USP9X: variants seen among roughly 807,000 people sequenced by gnomAD.
The protein encoded by USP9X is ubiquitin carboxyl-terminal hydrolase 9X.
A neutral mutation model predicts 190.3 loss-of-function variants in USP9X; 7 were observed. That is an observed-to-expected ratio of 0.04 (90% CI 0.02 to 0.07). USP9X has a LOEUF of 0.07. USP9X is among the 10% of genes least tolerant of loss of function. The pLI is 1.00. For missense variants in USP9X, 1,010 were observed against 1,916.9 expected (o/e 0.53, Z 8.83); for synonymous variants, 645 against 659.5 (o/e 0.98, Z 0.34).
intron 44 of USP9X, among the ~76,000 whole-genome samples, chrX:41,230,800 C>T (rs2147280035): frequency 9.0e-6 from 1 of 111,453 alleles, no homozygotes; most frequent in South Asian, 3.8e-4. Context: ...TAGGGTTTTC[C>T]TTGTCAAGAA....
intron 1 of USP9X, among the ~76,000 whole-genome samples, chrX:41,109,009 A>G (rs1285700925): frequency 1.8e-5 from 2 of 111,366 alleles, no homozygotes; most frequent in Non-Finnish European, 3.8e-5. Context: ...CTGGGGAGAT[A>G]CCATCAACTG....
In USP9X at chrX:41,153,073, A is replaced by G; in HGVS notation, c.1889A>G (p.Tyr630Cys). ...ACTTACATGGAAAGCATGAGACTAT[A>G]TGCTAGAGGTATGTATTGTAAGCTA... Reference protein sequence around the residue: ...LATYMESMRLYARDHEDYDPQ... With the variant: ...LATYMESMRLCARDHEDYDPQ... The change falls in exon 14 of 45, where the codon TAT becomes TGT. Residue 630 changes from tyrosine (Y) to cysteine (C), a missense_variant. Around this residue, in one of 11 missense-constraint regions of USP9X, gnomAD observed 104 missense variants for 239.8 expected, o/e 0.43. Transcript: ENST00000378308. The G allele has an allele frequency of 8.3e-7, 1 of 1,203,548 alleles. No homozygotes were observed. Among genetic ancestry groups the G allele is most frequent in the East Asian group, 3.0e-5 (1 of 33,507 alleles).
At chrX:41,213,196 C>CT (rs1364183253) in intron 33 of USP9X, among the ~76,000 whole-genome samples, 5 of 111,429 alleles carry the variant, frequency 4.5e-5, no homozygotes. Context: ...GCTTGGGAGG[C>CT]TGAGTCAGGA....
intron 2 of USP9X, among the ~76,000 whole-genome samples, chrX:41,127,832 C>T (rs761429970): frequency 3.6e-5 from 4 of 112,001 alleles, no homozygotes; most frequent in Non-Finnish European, 3.8e-5. Flanking sequence ...AATGATAAGG[C>T]GAGGGGCCCG....
At chrX:41,125,467 G>A (rs111519470) in intron 2 of USP9X, among the ~76,000 whole-genome samples, 14,354 of 107,007 alleles carry the variant, frequency 0.13, 899 homozygotes, top group East Asian at 0.22. Flanking sequence ...TATTTCATCT[G>A]GATTTTCAAA....
chrX:41,188,143 C>T (rs2062898912), intron 25 of USP9X, 26 bp downstream of exon 25: 1 of 1,160,365 alleles, frequency 8.6e-7, no homozygotes, highest in African/African-American at 1.8e-5. Flanking sequence ...GAACTATATT[C>T]CTTGTAAACA....
chrX:41,125,684 A>ACACACACACTCTCTCTCTCTCT, intron 2 of USP9X, among the ~76,000 whole-genome samples: 7 of 19,021 alleles, frequency 3.7e-4, no homozygotes, highest in South Asian at 3.7e-3. Flanking sequence ...ACACACACAC[A>ACACACACACTCTCTCTCTCTCT]CTCTCTCTCT....
chrX:41,182,096 C>A (rs2062832025), intron 21 of USP9X, among the ~76,000 whole-genome samples: 1 of 112,178 alleles, frequency 8.9e-6, no homozygotes, highest in Non-Finnish European at 1.9e-5. Flanking sequence ...TTCACTACTT[C>A]TGACCGGGTC....
intron 1 of USP9X, among the ~76,000 whole-genome samples, chrX:41,104,534 G>A (rs1451774073): frequency 8.9e-6 from 1 of 112,086 alleles, no homozygotes; most frequent in African/African-American, 3.2e-5. Context: ...TATACCAGGA[G>A]CAGCAAATTC....
At chrX:41,136,661 G>T (rs1302785509) in intron 5 of USP9X, 143 bp from the exon 6 acceptor site, 2 of 465,369 alleles carry the variant, frequency 4.3e-6, no homozygotes, top group African/African-American at 4.9e-5. Flanking sequence ...TTTGTCCTTT[G>T]ATAATCAGTT....
In USP9X at chrX:41,224,838, C is replaced by T; in HGVS notation, c.6848C>T (p.Thr2283Ile). ...GTGGCAGACATTTTATTTGTGAGAA[C>T]AAGTTATGTGAAGAAAATCATTGAA... Reference protein sequence around the residue: ...QNVADILFVRTSYVKKIIEDC... With the variant: ...QNVADILFVRISYVKKIIEDC... Residue 2283 changes from threonine to isoleucine, a missense_variant, in exon 40 of 45, where the codon ACA becomes ATA. Physicochemically the swap from Thr to Ile is moderately conservative, Grantham distance 89 (BLOSUM62 -1). This residue lies in a region of USP9X where 121 missense variants were observed against 281.2 expected (regional missense o/e 0.43). Transcript: ENST00000378308. The T allele has an allele frequency of 1.7e-6, 2 of 1,211,351 alleles. No homozygotes were observed. The highest frequency in any genetic ancestry group is 2.2e-6 in the Non-Finnish European group (2 of 895,287).
chrX:41,188,304 C>G, intron 25 of USP9X, among the ~76,000 whole-genome samples, 187 bp downstream of exon 25: 1 of 111,996 alleles, frequency 8.9e-6, no homozygotes, highest in Non-Finnish European at 1.9e-5. Context: ...ACTTAAGAAT[C>G]GTGCCATGTG....
chrX:41,204,579 A>T (rs185871493), intron 31 of USP9X, among the ~76,000 whole-genome samples: 1 of 110,759 alleles, frequency 9.0e-6, no homozygotes, highest in East Asian at 2.8e-4. Flanking sequence ...AGTACTAGTC[A>T]TGCACCACAT....
chrX:41,092,064 G>A (rs1043662578), intron 1 of USP9X, among the ~76,000 whole-genome samples: 1 of 111,607 alleles, frequency 9.0e-6, no homozygotes, highest in African/African-American at 3.3e-5. Flanking sequence ...TTCATTTTAT[G>A]GCACCCTACA....
At chrX:41,168,324 C>T in intron 18 of USP9X, 106 bp downstream of exon 18, 1 of 690,150 alleles carries the variant, frequency 1.4e-6, no homozygotes, top group Non-Finnish European at 2.0e-6. Flanking sequence ...AAATTGTTGT[C>T]TTTGCCCATT....
intron 6 of USP9X, among the ~76,000 whole-genome samples, chrX:41,137,245 T>A (rs1430466439): frequency 9.0e-6 from 1 of 111,441 alleles, no homozygotes; most frequent in African/African-American, 3.3e-5. Flanking sequence ...GAAGTAGTCA[T>A]AATTTGGGTT....
intron 16 of USP9X, among the ~76,000 whole-genome samples, chrX:41,166,472 T>TA (rs1416677047): frequency 1.8e-5 from 2 of 111,643 alleles, no homozygotes; most frequent in Non-Finnish European, 3.8e-5. Context: ...GCACTAAACA[T>TA]ACAAATCTTT....
rs185981728 is a variant in USP9X at position 41,133,203 on chromosome X, G to A, written c.323-1522G>A. On this transcript the variant is annotated intron_variant, in intron 4 of 44. Coordinates refer to ENST00000378308, the MANE Select transcript of USP9X (RefSeq NM_001039591.3). ...TTTTGTTTAAAGAACGTGTCCTTAT[G>A]CCTCATTAATCTTGTAGAAATAATA... Among the ~76,000 whole-genome samples, 7 of 111,744 alleles carry A rather than the reference G, an allele frequency of 6.3e-5. No individual in the cohort carries two copies. The Admixed American group carries it at 6.7e-4, about 11-fold the overall frequency.
At chrX:41,185,078 T>C (rs2062861573) in intron 23 of USP9X, among the ~76,000 whole-genome samples, 1 of 112,313 alleles carries the variant, frequency 8.9e-6, no homozygotes. Flanking sequence ...GTTTCTGCCT[T>C]GGTGGCATTC....
Sources: allele counts gnomAD v4.1 joint callset (sites outside exome capture counted in the v4.1 genomes callset), GRCh38; gene constraint gnomAD v4.1.1; regional missense constraint gnomAD v4.1.1; transcripts MANE v1.5; gene names NCBI Gene and HGNC (gene_info 2026-07-23, HGNC 2026-07-21).